CDH10: variants seen among roughly 807,000 people sequenced by gnomAD.
CDH10 encodes the protein cadherin-10.
A neutral mutation model predicts 73.1 loss-of-function variants in CDH10; 30 were observed. That is an observed-to-expected ratio of 0.41 (90% confidence interval 0.31 to 0.56). The LOEUF is 0.56. Ranked by LOEUF, CDH10 falls within the 20% of genes least tolerant of loss-of-function variation. CDH10 has a pLI of 0.27. For missense variants in CDH10, 815 were observed against 973.7 expected (o/e 0.84, Z 2.17); for synonymous variants, 345 against 348.2 (o/e 0.99, Z 0.10).
chr5:24,504,506 CTTTTTTTTT>C (rs70965605), intron 8 of CDH10, among the ~76,000 whole-genome samples: 1,074 of 65,134 alleles, frequency 0.016, 240 homozygotes, highest in African/African-American at 0.058. Context: ...TCCTATTAAT[CTTTTTTTTT>C]TTTTTTTTTT....
chr5:24,574,741 A>G lies in CDH10; in HGVS notation c.231+18519T>C, dbSNP rs1745532876. 2.0e-5 allele frequency among the ~76,000 whole-genome samples: 3 copies of G among 150,424 alleles called. 1 individual carries two copies. The highest frequency in any genetic ancestry group is 4.5e-5 in the Non-Finnish European group (3 of 67,364). The stretch of plus-strand genomic sequence containing the variant: ...AACAAACTCAGAAAGGAGTATGACA[A>G]TTAACTTCCGAACTAACATAACAAA... On this transcript the variant is annotated intron_variant, in intron 2 of 11. Coordinates refer to ENST00000264463, the MANE Select transcript of CDH10 (RefSeq NM_006727.5).
At chr5:24,555,857 T>C in intron 2 of CDH10, among the ~76,000 whole-genome samples, 1 of 132,396 alleles carries the variant, frequency 7.6e-6, no homozygotes, top group East Asian at 2.3e-4. Flanking sequence ...GATTGGAGAA[T>C]TCTAATACAA....
chr5:24,629,815 T>C lies in CDH10; in HGVS notation c.-124+14779A>G, dbSNP rs367591715. Among the ~76,000 whole-genome samples, 314 of 152,236 alleles carry C rather than the reference T, an allele frequency of 2.1e-3. 5 individuals are homozygous for C. Among genetic ancestry groups the C allele is most frequent in the South Asian group, 0.02 (94 of 4,814 alleles). On this transcript the variant is annotated intron_variant, in intron 1 of 11. Coordinates refer to ENST00000264463, the MANE Select transcript of CDH10 (RefSeq NM_006727.5). ...CTCCCCAGCCATGCAGAACTATGAG[T>C]CAATTAAATCTCTTTTCTTTATAAA...
At chr5:24,581,940 T>G (rs1337198815) in intron 2 of CDH10, among the ~76,000 whole-genome samples, 2 of 152,166 alleles carry the variant, frequency 1.3e-5, no homozygotes, top group Non-Finnish European at 2.9e-5. Context: ...AAAAGATATT[T>G]TTAAAATTCT....
intron 5 of CDH10, among the ~76,000 whole-genome samples, chr5:24,530,016 CTTTTTTTT>C (rs34282847): frequency 1.6e-5 from 2 of 121,834 alleles, no homozygotes; most frequent in African/African-American, 3.1e-5. Flanking sequence ...TCTATTTTTA[CTTTTTTTT>C]TTTTTTTTTT....
At chr5:24,563,799 AG>A (rs1745060591) in intron 2 of CDH10, among the ~76,000 whole-genome samples, 1 of 149,158 alleles carries the variant, frequency 6.7e-6, no homozygotes, top group African/African-American at 2.5e-5. Context: ...AAAAAAAAAA[AG>A]AGAAAAAAAC....
At position 24,505,498 on chromosome 5, in the gene CDH10, T is replaced by G. The variant is rs191995042; in HGVS notation, c.1257-250A>C. On this transcript the variant is annotated intron_variant, in intron 7 of 11. Coordinates refer to ENST00000264463, the MANE Select transcript of CDH10 (RefSeq NM_006727.5). Reference sequence around the variant, plus strand: ...TTGTGTTATTTAAATTGTTGTCTATTGTCATATTCATTCAACTGACTTTGA... The same window carrying G: ...TTGTGTTATTTAAATTGTTGTCTATGGTCATATTCATTCAACTGACTTTGA... Among the ~76,000 whole-genome samples the G allele has an allele frequency of 4.2e-3, 637 of 152,380 alleles. 6 individuals are homozygous for G. The highest frequency in any genetic ancestry group is 0.015 in the African/African-American group (611 of 41,590).
intron 8 of CDH10, among the ~76,000 whole-genome samples, chr5:24,502,852 A>G (rs184594420): frequency 7.1e-4 from 108 of 152,320 alleles, no homozygotes; most frequent in Admixed American, 1.1e-3. Flanking sequence ...ATGTGGATAC[A>G]GATAGAAATA....
At chr5:24,525,389 C>T (rs1743494385) in intron 5 of CDH10, among the ~76,000 whole-genome samples, 1 of 151,874 alleles carries the variant, frequency 6.6e-6, no homozygotes, top group Non-Finnish European at 1.5e-5. Context: ...TTTTTATTTG[C>T]TTTGTGTATA....
At chr5:24,578,276 C>G in intron 2 of CDH10, 1 of 211,290 alleles carries the variant, frequency 4.7e-6, no homozygotes, top group South Asian at 9.6e-5. Context: ...CAGAAATGTT[C>G]ATAGAGTTCA....
intron 2 of CDH10, among the ~76,000 whole-genome samples, chr5:24,547,989 A>C (rs763143507): frequency 5.3e-5 from 8 of 152,218 alleles, no homozygotes; most frequent in African/African-American, 1.7e-4. Context: ...AAATTGGGTC[A>C]TGCAATTGTC....
intron 9 of CDH10, among the ~76,000 whole-genome samples, chr5:24,498,168 A>G (rs1472757747): frequency 6.6e-6 from 1 of 152,220 alleles, no homozygotes; most frequent in Non-Finnish European, 1.5e-5. Context: ...TTGTGGCAAC[A>G]ATAAAATTTT....
chr5:24,536,568 T>C (rs1743960912), intron 3 of CDH10, among the ~76,000 whole-genome samples: 2 of 152,204 alleles, frequency 1.3e-5, no homozygotes, highest in South Asian at 4.1e-4. Context: ...AATATGACTC[T>C]AAAAATGTTA....
chr5:24,532,211 C>G (rs1244966782), intron 5 of CDH10, among the ~76,000 whole-genome samples: 1 of 151,878 alleles, frequency 6.6e-6, no homozygotes, highest in Non-Finnish European at 1.5e-5. Flanking sequence ...ATCAGCCAAC[C>G]TAAAGGAAAG....
chr5:24,558,445 T>C (rs1744843831), intron 2 of CDH10, among the ~76,000 whole-genome samples: 1 of 151,708 alleles, frequency 6.6e-6, no homozygotes, highest in South Asian at 2.1e-4. Context: ...ATAGTAACTA[T>C]TCAAATGAAA....
intron 1 of CDH10, among the ~76,000 whole-genome samples, chr5:24,625,117 G>T (rs760107581): frequency 7.2e-5 from 11 of 152,198 alleles, no homozygotes; most frequent in Admixed American, 2.6e-4. Flanking sequence ...TATTTATTAG[G>T]TAGAGTGCTC....
chr5:24,583,460 A>C (rs1188447501), intron 2 of CDH10, among the ~76,000 whole-genome samples: 1 of 152,100 alleles, frequency 6.6e-6, no homozygotes, highest in Non-Finnish European at 1.5e-5. Flanking sequence ...AATAATAAAC[A>C]CATAATGGCT....
intron 9 of CDH10, among the ~76,000 whole-genome samples, chr5:24,493,133 C>A (rs747196905): frequency 7.9e-5 from 12 of 151,766 alleles, no homozygotes; most frequent in Non-Finnish European, 1.6e-4. Context: ...GGATCATACC[C>A]TTTACTTCAA....
chr5:24,566,772 C>A (rs1387106353), intron 2 of CDH10, among the ~76,000 whole-genome samples: 2 of 151,934 alleles, frequency 1.3e-5, no homozygotes, highest in Non-Finnish European at 2.9e-5. Flanking sequence ...AGAAGAATAA[C>A]CTTATGATCT....
Sources: gnomAD v4.1 joint callset for allele counts (sites outside exome capture counted in the v4.1 genomes callset) on GRCh38, gnomAD v4.1.1 for gene constraint, MANE v1.5 for transcripts, NCBI Gene and HGNC (gene_info 2026-07-23, HGNC 2026-07-21) for gene names.